UST: variants seen among roughly 807,000 people sequenced by gnomAD.
The protein encoded by UST is uronyl 2-sulfotransferase.
UST carries 21 observed loss-of-function variants against 45.6 expected under a neutral mutation model. The observed-to-expected ratio is 0.46, with a 90% CI of 0.33 to 0.66. The LOEUF is 0.66. Among genes scored for constraint, UST ranks in the 30% least tolerant of loss-of-function variants. UST has a pLI of 0.02. For missense variants in UST, 463 were observed against 512.4 expected (o/e 0.90, Z 0.93); for synonymous variants, 215 against 200.6 (o/e 1.07, Z -0.61).
chr6:148,953,785 A>T (rs1280478671), intron 3 of UST, 87 bp from the exon 4 acceptor site: 1 of 779,098 alleles, frequency 1.3e-6, no homozygotes, highest in East Asian at 3.6e-5. Flanking sequence ...AAAAAAAAAA[A>T]AAAAAAGAGT....
chr6:148,781,988 G>T (rs548520583), intron 1 of UST, among the ~76,000 whole-genome samples: 2 of 152,354 alleles, frequency 1.3e-5, no homozygotes, highest in South Asian at 4.1e-4. Context: ...TGTACAAGGA[G>T]ATTAATGTTG....
chr6:148,861,433 C>G (rs1778310985), intron 1 of UST, among the ~76,000 whole-genome samples: 1 of 152,086 alleles, frequency 6.6e-6, no homozygotes, highest in South Asian at 2.1e-4. Context: ...TTTTGTTGAT[C>G]TTTTCAAAAA....
chr6:148,936,706 AT>A (rs886070601), intron 2 of UST, among the ~76,000 whole-genome samples: 1 of 140,618 alleles, frequency 7.1e-6, no homozygotes, highest in African/African-American at 2.6e-5. Context: ...ATTTATTTTT[AT>A]TTTTTTGAGA....
intron 7 of UST, among the ~76,000 whole-genome samples, chr6:149,024,532 G>A (rs563511807): frequency 6.6e-6 from 1 of 151,744 alleles, no homozygotes; most frequent in African/African-American, 2.4e-5. Flanking sequence ...GTCCCCTGAG[G>A]CAGAGGACAA....
chr6:148,822,632 T>G (rs944873812), intron 1 of UST, among the ~76,000 whole-genome samples: 1 of 152,250 alleles, frequency 6.6e-6, no homozygotes, highest in Admixed American at 6.5e-5. Flanking sequence ...TCAGTAGCCA[T>G]GAGGTATGAA....
chr6:148,749,271 G>T (rs907979035), intron 1 of UST, among the ~76,000 whole-genome samples: 9 of 152,158 alleles, frequency 5.9e-5, no homozygotes, highest in African/African-American at 2.2e-4. Flanking sequence ...ACACCTGCTA[G>T]TGCCACAAAA....
At chr6:148,803,426 C>A (rs573659880) in intron 1 of UST, among the ~76,000 whole-genome samples, 1 of 152,286 alleles carries the variant, frequency 6.6e-6, no homozygotes, top group African/African-American at 2.4e-5. Flanking sequence ...TATACATAAT[C>A]TATCATTAGT....
intron 2 of UST, among the ~76,000 whole-genome samples, chr6:148,902,471 A>G (rs1779279242): frequency 1.3e-5 from 2 of 151,830 alleles, no homozygotes; most frequent in South Asian, 4.2e-4. Flanking sequence ...CCTGGGCTTA[A>G]GCGATCCTCC....
At chr6:148,921,997 CAG>C (rs1476120534) in intron 2 of UST, among the ~76,000 whole-genome samples, 30 of 152,174 alleles carry the variant, frequency 2.0e-4, no homozygotes, top group African/African-American at 7.2e-4. Context: ...GAAACAACCT[CAG>C]ATTTAACATG....
intron 1 of UST, among the ~76,000 whole-genome samples, chr6:148,878,727 G>A (rs114770188): frequency 9.8e-5 from 8 of 81,988 alleles, no homozygotes; most frequent in South Asian, 4.2e-4. Flanking sequence ...TGAGTGCAGG[G>A]GATCATGTAT....
At chr6:148,851,354 G>A (rs765146590) in intron 1 of UST, among the ~76,000 whole-genome samples, 11 of 152,016 alleles carry the variant, frequency 7.2e-5, no homozygotes, top group Non-Finnish European at 1.0e-4. Flanking sequence ...CAGTATAAAA[G>A]CAATTTGGAC....
chr6:148,974,659 T>C (rs1780982703), intron 5 of UST, among the ~76,000 whole-genome samples: 1 of 152,178 alleles, frequency 6.6e-6, no homozygotes, highest in Non-Finnish European at 1.5e-5. Context: ...TATTCACAGT[T>C]GAATGAAAGA....
At chr6:148,796,622 T>TAAAAAAAAAA (rs1449754454) in intron 1 of UST, among the ~76,000 whole-genome samples, 1 of 44,450 alleles carries the variant, frequency 2.2e-5, no homozygotes, top group African/African-American at 7.5e-5. Context: ...AGACTCTGTC[T>TAAAAAAAAAA]CAAAAAAAAA....
At chr6:148,818,645 C>G (rs1350384177) in intron 1 of UST, among the ~76,000 whole-genome samples, 1 of 152,138 alleles carries the variant, frequency 6.6e-6, no homozygotes, top group African/African-American at 2.4e-5. Flanking sequence ...AAATTTTAGG[C>G]TGGTAGCCAA....
chr6:148,871,277 C>T (rs1778554880), intron 1 of UST, among the ~76,000 whole-genome samples: 1 of 152,114 alleles, frequency 6.6e-6, no homozygotes, highest in African/African-American at 2.4e-5. Context: ...AGACTTCCTG[C>T]CTCCAGAACT....
intron 5 of UST, among the ~76,000 whole-genome samples, chr6:149,008,334 T>C (rs1775749287): frequency 6.6e-6 from 1 of 152,242 alleles, no homozygotes; most frequent in African/African-American, 2.4e-5. Context: ...TAAGTTTTCC[T>C]TTGCATTGAT....
At chr6:149,011,993 G>A (rs550373438) in intron 5 of UST, among the ~76,000 whole-genome samples, 1 of 152,284 alleles carries the variant, frequency 6.6e-6, no homozygotes, top group East Asian at 1.9e-4. Flanking sequence ...CAGACACATA[G>A]CCATAAACTC....
intron 1 of UST, among the ~76,000 whole-genome samples, chr6:148,766,580 G>A (rs1444634318): frequency 6.6e-6 from 1 of 152,212 alleles, no homozygotes; most frequent in Non-Finnish European, 1.5e-5. Context: ...CCCGTATGAG[G>A]TGTGTTGAAC....
chr6:148,831,977 G>A (rs1246439342), intron 1 of UST, among the ~76,000 whole-genome samples: 1 of 152,030 alleles, frequency 6.6e-6, no homozygotes, highest in Admixed American at 6.5e-5. Context: ...AAATACATTT[G>A]GTAGAATATT....
Sources: gnomAD v4.1 joint callset for allele counts (sites outside exome capture counted in the v4.1 genomes callset) on GRCh38, gnomAD v4.1.1 for gene constraint, MANE v1.5 for transcripts, NCBI Gene and HGNC (gene_info 2026-07-23, HGNC 2026-07-21) for gene names.